Variants in ZNF263 observed in about 807,000 individuals in gnomAD.
The protein encoded by ZNF263 is zinc finger protein FPM315.
In ZNF263, 49 loss-of-function variants were observed where a neutral mutation model predicts 63.1. The observed-to-expected ratio is 0.78, with a 90% confidence interval of 0.62 to 0.99. The LOEUF (loss-of-function observed/expected upper bound fraction) is 0.99. Among genes scored for constraint, ZNF263 ranks in the 50% least tolerant of loss-of-function variants. ZNF263 has a pLI of 0.00. For missense variants in ZNF263, 872 were observed against 854.8 expected (o/e 1.02, Z -0.25); for synonymous variants, 352 against 324.2 (o/e 1.09, Z -0.92).
chr16:3,291,524 G>T (rs1959612182), downstream of ZNF263: 3 of 983,016 alleles, frequency 3.1e-6, no homozygotes, highest in Non-Finnish European at 3.6e-6. Context: ...TCTCCCCTCT[G>T]CCTTGGTCAG....
At chr16:3,285,549 G>T in intron 2 of ZNF263, 132 bp from the exon 3 acceptor site, 1 of 886,258 alleles carries the variant, frequency 1.1e-6, no homozygotes. Context: ...CAGCTGATTA[G>T]GCCTCTGTGC....
downstream of ZNF263, among the ~76,000 whole-genome samples, chr16:3,292,484 T>C (rs764657038): frequency 6.6e-6 from 1 of 152,028 alleles, no homozygotes; most frequent in Non-Finnish European, 1.5e-5. Flanking sequence ...TCAACAGTGG[T>C]AGGAGCAGGA....
rs1860701290 is a variant in ZNF263, at chr16:3,290,220, A to G, written c.1714A>G (p.Lys572Glu). Residue 572 changes from lysine (K) to glutamate (E), a missense_variant, in exon 6 of 6, where the codon AAG (lysine) becomes GAG (glutamate). Transcript: ENST00000219069. ...LTNHGAHKAE[K>E]KLFECLTCGK... ...AAACCATGGAGCCCATAAGGCAGAG[A>G]AGAAGCTCTTTGAATGTTTGACTTG... The G allele has an allele frequency of 1.9e-6, 3 of 1,614,062 alleles. No individual in the cohort carries two copies. The highest frequency in any genetic ancestry group is 1.6e-4 in the Middle Eastern group (1 of 6,084).
chr16:3,294,158 C>T (rs1959686998), downstream of ZNF263, among the ~76,000 whole-genome samples: 1 of 152,340 alleles, frequency 6.6e-6, no homozygotes, highest in African/African-American at 2.4e-5. Context: ...ATCTCCTGAC[C>T]TCGTGATCTG....
At chr16:3,295,576 G>A (rs1959721705), downstream of ZNF263, among the ~76,000 whole-genome samples, 1 of 152,270 alleles carries the variant, frequency 6.6e-6, no homozygotes, top group Non-Finnish European at 1.5e-5. Context: ...TGGGGTGCGT[G>A]CGAGCGGGCG....
chr16:3,292,632 C>G (rs1266348286), downstream of ZNF263, among the ~76,000 whole-genome samples: 2 of 152,200 alleles, frequency 1.3e-5, no homozygotes, highest in Non-Finnish European at 2.9e-5. Context: ...AGCGCCCCTT[C>G]CATCTACTCT....
At chr16:3,294,429 T>TGGAGGTCA (rs931573770), downstream of ZNF263, among the ~76,000 whole-genome samples, 4 of 152,236 alleles carry the variant, frequency 2.6e-5, no homozygotes, top group Admixed American at 2.6e-4. Context: ...GACTTAATTT[T>TGGAGGTCA]GGAGGTCAGG....
chr16:3,298,538 T>A (rs1263129044), intron 1 of ZNF263, among the ~76,000 whole-genome samples: 4 of 152,250 alleles, frequency 2.6e-5, no homozygotes, highest in Non-Finnish European at 5.9e-5. Flanking sequence ...ATCAGCATGT[T>A]ACTTTCACAG....
intron 2 of ZNF263, 70 bp from the exon 3 acceptor site, chr16:3,285,611 G>A (rs1235895462): frequency 1.5e-5 from 22 of 1,490,620 alleles, no homozygotes; most frequent in South Asian, 5.7e-5. Context: ...AATGGATACT[G>A]TGTTTTAATA....
intron 1 of ZNF263, chr16:3,298,945 G>T: frequency 2.7e-6 from 3 of 1,128,762 alleles, no homozygotes; most frequent in Non-Finnish European, 2.3e-6. Context: ...TATAATGGCA[G>T]AAATCTTTAA....
At chr16:3,299,317 TTA>T in intron 2 of ZNF263, 1 of 1,602,966 alleles carries the variant, frequency 6.2e-7, no homozygotes, top group Non-Finnish European at 8.5e-7. Context: ...ATCATCCAAC[TTA>T]GTTTCCAACT....
chr16:3,296,791 TA>T (rs200105643), intron 1 of ZNF263, among the ~76,000 whole-genome samples: 1 of 126,966 alleles, frequency 7.9e-6, no homozygotes, highest in Non-Finnish European at 1.6e-5. Context: ...CTAGGAACAA[TA>T]AAAAAAATGA....
At chr16:3,289,036 A>G (rs1484035779) in intron 5 of ZNF263, among the ~76,000 whole-genome samples, 1 of 152,118 alleles carries the variant, frequency 6.6e-6, no homozygotes, top group Non-Finnish European at 1.5e-5. Flanking sequence ...TCTCCATCCC[A>G]GTGAGGCAAG....
At chr16:3,299,912 G>A in intron 2 of ZNF263, 2 of 1,611,358 alleles carry the variant, frequency 1.2e-6, no homozygotes, top group South Asian at 1.1e-5. Context: ...ACACTTTTGG[G>A]CAGTTTTGAT....
chr16:3,290,019 C>G lies in ZNF263; in HGVS notation c.1513C>G (p.Leu505Val), dbSNP rs1959546298. The G allele has an allele frequency of 3.7e-6, 6 of 1,614,056 alleles. No individual in the cohort carries two copies. Among genetic ancestry groups the G allele is most frequent in the Non-Finnish European group, 5.1e-6 (6 of 1,180,048 alleles). ...GGAGATCTTTGCTCACAGTTCCAAC[C>G]TCCTTCGGCACCAGAGAATTCACAC... ...CGEIFAHSSN[L>V]LRHQRIHTGE... Residue 505 changes from leucine (L) to valine (V), a missense_variant, in exon 6 of 6, where the codon CTC becomes GTC. Transcript: ENST00000219069.
At chr16:3,285,852 A>G in intron 3 of ZNF263, 98 bp downstream of exon 3, 1 of 1,527,778 alleles carries the variant, frequency 6.5e-7, no homozygotes, top group Non-Finnish European at 9.1e-7. Context: ...GTCCCTTACC[A>G]CAGCGTCTCC....
At chr16:3,288,642 G>T (rs933268987) in intron 5 of ZNF263, 72 bp downstream of exon 5, 40 of 1,248,362 alleles carry the variant, frequency 3.2e-5, no homozygotes, top group Middle Eastern at 5.6e-4. Context: ...GGCATTTTTT[G>T]GTTTTGTTTT....
chr16:3,300,299 C>T lies in ZNF263; in HGVS notation c.*47-614C>T. 1.9e-6 allele frequency: 3 copies of T among 1,614,216 alleles called. No individual in the cohort carries two copies. The South Asian group carries it at 3.3e-5, about 18-fold the overall frequency. On this transcript the variant is annotated intron_variant, in intron 2 of 2. Coordinates refer to the ZNF263 transcript ENST00000574674. ...AAACACCGTGCAAATCTCTCTGCAG[C>T]AGCCTGAAGCTCCACGCCTCTTACC...
At chr16:3,296,476 C>T (rs1959748620) in intron 1 of ZNF263, among the ~76,000 whole-genome samples, 1 of 152,118 alleles carries the variant, frequency 6.6e-6, no homozygotes, top group Non-Finnish European at 1.5e-5. Flanking sequence ...TTACTACCTT[C>T]GCCCTCACCC....
Sources: allele counts gnomAD v4.1 joint callset (sites outside exome capture counted in the v4.1 genomes callset), GRCh38; gene constraint gnomAD v4.1.1; transcripts MANE v1.5; gene names NCBI Gene and HGNC (gene_info 2026-07-23, HGNC 2026-07-21).